TPD52L2: variants seen among roughly 807,000 people sequenced by gnomAD.
TPD52L2 encodes tumor protein D54.
Under a neutral mutation model 24.7 loss-of-function variants are expected in TPD52L2, and 19 were observed. The observed-to-expected ratio is 0.77, with a 90% CI of 0.54 to 1.13. The LOEUF (loss-of-function observed/expected upper bound fraction) is 1.13, where lower values mean the gene tolerates loss of function less well. Among genes scored for constraint, TPD52L2 ranks in the 50% most tolerant of loss-of-function variants. The probability of loss-of-function intolerance (pLI) is 0.00; values close to 1 mark genes in which losing one functional copy is unlikely to be tolerated. For missense variants in TPD52L2, 236 were observed against 250.4 expected, an observed-to-expected ratio of 0.94 and a Z score of 0.39; for synonymous variants, 104 against 100.2, an observed-to-expected ratio of 1.04 and a Z score of -0.23.
In TPD52L2 at chr20:63,865,307, C is replaced by T. The variant is rs370823753; in HGVS notation, c.-59C>T. The T allele has an allele frequency of 1.3e-5, 20 of 1,494,542 alleles. No individual in the cohort carries two copies. Among genetic ancestry groups the T allele is most frequent in the East Asian group, 2.6e-5 (1 of 38,266 alleles). The allele number at this position is 1,494,542 out of a possible 1,614,324, so 92.6% of individuals were successfully genotyped here. On this transcript the variant is annotated 5_prime_UTR_variant, in exon 1 of 7. Transcript: ENST00000346249. The stretch of plus-strand genomic sequence containing the variant: ...TAGTGTGTACGCGGCGAGCTTCTCC[C>T]GGCGCCGCCCGCTCGGCTCCCATAG...
chr20:63,884,371 T>G (rs1568957417), intron 5 of TPD52L2, among the ~76,000 whole-genome samples: 1 of 152,202 alleles, frequency 6.6e-6, no homozygotes, highest in South Asian at 2.1e-4. Flanking sequence ...GTGTTTGTTG[T>G]GCCTAAATTA....
chr20:63,877,029 T>G lies in TPD52L2; in HGVS notation c.374+1154T>G, dbSNP rs1052132635. 1.6e-4 allele frequency: 72 copies of G among 442,172 alleles called. No individual in the cohort carries two copies. The highest frequency in any genetic ancestry group is 9.6e-4 in the African/African-American group (47 of 48,886). 27.4% of individuals were successfully genotyped at this position (442,172 alleles called of 1,614,324 possible). A position where few individuals can be genotyped will look rare whatever the true frequency, so the allele number is the denominator to read the frequency against. On this transcript the variant is annotated intron_variant, in intron 4 of 6. Coordinates refer to ENST00000346249, the MANE Select transcript of TPD52L2 (RefSeq NM_003288.4). This position sits in a 1 kb window ranked among gnomAD's most constrained non-coding sequence, Gnocchi z 4.1. ...TGTTGCCCTGGGTTTTTTTTGTTTG[T>G]TTGGTTTTTTTTTTGAGACAACGTC...
intron 5 of TPD52L2, chr20:63,888,241 G>C (rs2053204154): frequency 1.9e-5 from 3 of 154,824 alleles, no homozygotes; most frequent in African/African-American, 7.2e-5. Flanking sequence ...TGTGTGGGAG[G>C]GACTGAGTGG....
rs141106476 is a variant in TPD52L2, at chr20:63,881,114, C to T, written c.375-1605C>T. 2.5e-3 allele frequency among the ~76,000 whole-genome samples: 374 copies of T among 152,252 alleles called. 2 individuals are homozygous for T. Among genetic ancestry groups the T allele is most frequent in the African/African-American group, 8.7e-3 (361 of 41,550 alleles). ...CAGTGGCTCACACCTGTCATCCCAG[C>T]ACTGCGGGAGGCCGAGGCGGGTGGA... is the stretch of plus-strand genomic sequence containing the variant. On this transcript the variant is annotated intron_variant, in intron 4 of 6. Coordinates refer to ENST00000346249, the MANE Select transcript of TPD52L2 (RefSeq NM_003288.4).
intron 5 of TPD52L2, among the ~76,000 whole-genome samples, chr20:63,883,444 C>T (rs1410085675): frequency 6.6e-6 from 1 of 152,160 alleles, no homozygotes; most frequent in African/African-American, 2.4e-5. Flanking sequence ...GGGGATTGAG[C>T]CAGAAGCCTG....
At chr20:63,881,117 T>C (rs909764776) in intron 4 of TPD52L2, among the ~76,000 whole-genome samples, 1 of 152,016 alleles carries the variant, frequency 6.6e-6, no homozygotes, top group African/African-American at 2.4e-5. Context: ...ATCCCAGCAC[T>C]GCGGGAGGCC....
Position 63,873,612 on chromosome 20 carries a change from T to G in TPD52L2, c.166-56T>G, listed in dbSNP as rs1048913188. The stretch of plus-strand genomic sequence containing the variant: ...TAACTCATGGCACTGTGCATGAGGA[T>G]GTTAGTCACTTCCTGCAGTAGTGAT... On this transcript the variant is annotated intron_variant, in intron 2 of 6. Coordinates refer to ENST00000346249, the MANE Select transcript of TPD52L2 (RefSeq NM_003288.4). The G allele has an allele frequency of 5.7e-6, 9 of 1,589,092 alleles. No homozygotes were observed. The African/African-American group carries it at 1.1e-4, about 19-fold the overall frequency.
intron 5 of TPD52L2, chr20:63,886,124 C>T: frequency 7.0e-7 from 1 of 1,423,364 alleles, no homozygotes; most frequent in Non-Finnish European, 9.9e-7. Flanking sequence ...CCTTGGGCGG[C>T]TGTGCTAGTA....
At chr20:63,867,768 T>C (rs1360317833) in intron 1 of TPD52L2, among the ~76,000 whole-genome samples, 3 of 151,468 alleles carry the variant, frequency 2.0e-5, no homozygotes, top group East Asian at 1.9e-4. Flanking sequence ...GGCATAGTTT[T>C]TTTTTCTTTT....
In TPD52L2 at chr20:63,890,947, G is replaced by A. The variant is rs771806256; in HGVS notation, c.*1002G>A. On this transcript the variant is annotated 3_prime_UTR_variant, in exon 7 of 7. Coordinates refer to ENST00000346249, the MANE Select transcript of TPD52L2 (RefSeq NM_003288.4). ...CCCTTCTCAGTGCTGCCTTTGCATG[G>A]GCCTGGCCCGGCTCACATTCGTCAG... 1 of 152,498 alleles carries A rather than the reference G, an allele frequency of 6.6e-6. No homozygotes were observed. Among genetic ancestry groups the A allele is most frequent in the African/African-American group, 2.4e-5 (1 of 41,448 alleles). The allele number at this position is 152,498 out of a possible 1,614,324, so 9.4% of individuals were successfully genotyped here.
chr20:63,873,570 A>G, intron 2 of TPD52L2, 98 bp from the exon 3 acceptor site: 1 of 1,371,814 alleles, frequency 7.3e-7, no homozygotes, highest in Non-Finnish European at 9.9e-7. Flanking sequence ...TGCTTTGGTA[A>G]GCGGAAAGTT....
At chr20:63,887,697 A>T in intron 5 of TPD52L2, 1 of 1,307,556 alleles carries the variant, frequency 7.6e-7, no homozygotes, top group Non-Finnish European at 1.1e-6. Context: ...CCCTTCCCAT[A>T]TTCCTGGATT....
chr20:63,868,770 C>G (rs938747008), intron 1 of TPD52L2, among the ~76,000 whole-genome samples: 8 of 152,168 alleles, frequency 5.3e-5, no homozygotes, highest in African/African-American at 1.9e-4. Context: ...ATGACGAAAC[C>G]CCGTCTCTAC....
intron 1 of TPD52L2, among the ~76,000 whole-genome samples, chr20:63,868,165 G>A (rs940125522): frequency 6.6e-6 from 1 of 151,922 alleles, no homozygotes; most frequent in African/African-American, 2.4e-5. Context: ...CACCTGCCTC[G>A]GCCTCCAAAA....
At chr20:63,873,250 G>A (rs955338780) in intron 2 of TPD52L2, among the ~76,000 whole-genome samples, 2 of 152,068 alleles carry the variant, frequency 1.3e-5, no homozygotes. Flanking sequence ...AGCACTTTGG[G>A]AGGCTGAGGT....
At chr20:63,873,895 C>A in intron 3 of TPD52L2, 79 bp downstream of exon 3, 1 of 1,390,600 alleles carries the variant, frequency 7.2e-7, no homozygotes, top group Middle Eastern at 2.6e-4. Context: ...GGGGGGGCGT[C>A]GTCATGCCCA....
At chr20:63,880,890 CA>C (rs60375809) in intron 4 of TPD52L2, among the ~76,000 whole-genome samples, 6,600 of 77,406 alleles carry the variant, frequency 0.085, 242 homozygotes, top group East Asian at 0.27. Context: ...GACTCTGTCT[CA>C]AAAAAAAAAA....
At position 63,889,880 on chromosome 20, in the gene TPD52L2, A is replaced by G. The variant is rs1447116709; in HGVS notation, c.556A>G (p.Ser186Gly). 1 of 1,614,192 alleles carries G rather than the reference A, an allele frequency of 6.2e-7. No individual in the cohort carries two copies. The highest frequency in any genetic ancestry group is 2.2e-5 in the East Asian group (1 of 44,892). The change falls in exon 7 of 7, where the codon AGT becomes GGT. Residue 186 changes from serine (S) to glycine (G), a missense_variant. Physicochemically the swap from Ser to Gly is moderately conservative, Grantham distance 56. Transcript: ENST00000346249. ...GGTTGTGGGTGACAGAGAGAACGGC[A>G]GTGACAACCTCCCTTCCTCAGCGGG... Reference protein sequence around the residue: ...SKVVGDRENGSDNLPSSAGSG... With the variant: ...SKVVGDRENGGDNLPSSAGSG...
chr20:63,876,311 C>T (rs779597396), intron 4 of TPD52L2, among the ~76,000 whole-genome samples: 55 of 152,170 alleles, frequency 3.6e-4, no homozygotes, highest in Non-Finnish European at 6.6e-4. Context: ...AATTCCTTTC[C>T]TCCTTTAGGG....
Sources: allele counts gnomAD v4.1 joint callset (sites outside exome capture counted in the v4.1 genomes callset), GRCh38; gene constraint gnomAD v4.1.1; non-coding constraint Gnocchi (gnomAD v3.1); transcripts MANE v1.5; gene names NCBI Gene and HGNC (gene_info 2026-07-23, HGNC 2026-07-21).